Variants in BOD1L1 observed in about 807,000 individuals in gnomAD.
BOD1L1 encodes the protein biorientation of chromosomes in cell division protein 1-like 1.
A neutral mutation model predicts 240.7 loss-of-function variants in BOD1L1; 86 were observed. That is an observed-to-expected ratio of 0.36 (90% CI 0.30 to 0.43). The LOEUF (loss-of-function observed/expected upper bound fraction) is 0.43, where lower values mean the gene tolerates loss of function less well. BOD1L1 is among the 20% of genes least tolerant of loss of function. BOD1L1 has a pLI of 1.00. For synonymous variants in BOD1L1, 1,268 were observed against 1,272.3 expected (o/e 1.00, Z 0.07); for missense variants, 3,554 against 3,643.5 (o/e 0.98, Z 0.63).
chr4:13,580,928 A>T (rs1443058498), intron 21 of BOD1L1, 92 bp downstream of exon 21: 2 of 1,239,474 alleles, frequency 1.6e-6, no homozygotes, highest in African/African-American at 3.1e-5. Context: ...TTCAAGTAAA[A>T]AAAATAAAGT....
intron 22 of BOD1L1, chr4:13,577,880 G>A (rs1420955594): frequency 6.0e-6 from 2 of 331,912 alleles, no homozygotes; most frequent in Non-Finnish European, 1.1e-5. Context: ...TTTTTCAGCT[G>A]CAAAATAAGA....
In BOD1L1 at chr4:13,588,798, T is replaced by C; in HGVS notation, c.8210-6A>G. Reference sequence around the variant, plus strand: ...TTTTCTACCACTGGATATCTCTGAGTAATAAATACAAAAAAGAAAAAAAAA... The same window carrying C: ...TTTTCTACCACTGGATATCTCTGAGCAATAAATACAAAAAAGAAAAAAAAA... On this transcript the variant is annotated splice_region_variant and splice_polypyrimidine_tract_variant and intron_variant, in intron 14 of 25. Transcript: ENST00000040738. The C allele has an allele frequency of 6.4e-7, 1 of 1,573,330 alleles. No individual in the cohort carries two copies. Among genetic ancestry groups the C allele is most frequent in the East Asian group, 2.3e-5 (1 of 43,678 alleles).
rs1387876177 is a variant in BOD1L1 at position 13,613,197 on chromosome 4, A to G, written c.1324+315T>C. ...CCATTAATTGAGGGCAGTGTTGTGG[A>G]CTACGCTGTCCCCAAATGTGACACA... On this transcript the variant is annotated intron_variant, in intron 5 of 25. Transcript: ENST00000040738. This position sits in a 1 kb window ranked among gnomAD's most constrained non-coding sequence, Gnocchi z 4.0. Among the ~76,000 whole-genome samples, 3 of 152,184 alleles carry G rather than the reference A, an allele frequency of 2.0e-5. No individual in the cohort carries two copies. The highest frequency in any genetic ancestry group is 1.5e-5 in the Non-Finnish European group (1 of 68,026).
In BOD1L1 at chr4:13,600,489, C is replaced by T; in HGVS notation, c.6411G>A (p.Glu2137=). The T allele has an allele frequency of 1.2e-6, 2 of 1,613,962 alleles. No individual in the cohort carries two copies. The highest frequency in any genetic ancestry group is 1.7e-6 in the Non-Finnish European group (2 of 1,179,898). The change falls in exon 10 of 26, where the codon GAG becomes GAA. Residue 2137 remains glutamate, a synonymous_variant. Coordinates refer to ENST00000040738, the MANE Select transcript of BOD1L1 (RefSeq NM_148894.3). ...DSQLTASRSE[E]KDECAMISTS... ...TGGAAATCATGGCACACTCATCTTT[C>T]TCTTCACTTCTGCTGGCAGTGAGTT... is the stretch of plus-strand genomic sequence containing the variant.
At chr4:13,577,053 G>C (rs1446035577) in intron 24 of BOD1L1, 62 bp from the exon 25 acceptor site, 11 of 1,562,252 alleles carry the variant, frequency 7.0e-6, no homozygotes, top group Non-Finnish European at 8.7e-6. Context: ...CCAAGAGAGA[G>C]AGTCATGGAG....
In BOD1L1 at chr4:13,609,973, T is replaced by G. The variant is rs548473733; in HGVS notation, c.1492-567A>C. Among the ~76,000 whole-genome samples, 3 of 152,160 alleles carry G rather than the reference T, an allele frequency of 2.0e-5. No homozygotes were observed. In the East Asian group the frequency reaches 5.8e-4, roughly 29 times the overall value. Reference sequence around the variant, plus strand: ...CCTACTATCTCTTTCTGGCTCAGAGTGCCAAAAATCCTAAGCAGGTGCATA... The same window carrying G: ...CCTACTATCTCTTTCTGGCTCAGAGGGCCAAAAATCCTAAGCAGGTGCATA... On this transcript the variant is annotated intron_variant, in intron 6 of 25. Coordinates refer to ENST00000040738, the MANE Select transcript of BOD1L1 (RefSeq NM_148894.3).
At position 13,603,959 on chromosome 4, in the gene BOD1L1, C is replaced by A; in HGVS notation, c.2941G>T (p.Ala981Ser). The A allele has an allele frequency of 1.2e-6, 2 of 1,613,906 alleles. No individual in the cohort carries two copies. The highest frequency in any genetic ancestry group is 1.3e-5 in the African/African-American group (1 of 75,032). ...CTAGAATCCTTCTGTGTACTATGTG[C>A]TGAAGAAGAAGCAGTCTCTAATACA... ...EPVLETASSS[A>S]HSTQKDSSHR... is the part of the protein sequence containing the mutation. Residue 981 changes from alanine to serine, a missense_variant, in exon 10 of 26, where the codon GCA becomes TCA. By Grantham distance (99) the Ala-to-Ser change is moderately conservative. This residue lies in a region of BOD1L1 where 3,393 missense variants were observed against 3,427.1 expected (regional missense o/e 0.99). Transcript: ENST00000040738.
chr4:13,584,905 A>G (rs1267629243), intron 17 of BOD1L1, among the ~76,000 whole-genome samples: 3 of 152,176 alleles, frequency 2.0e-5, no homozygotes, highest in Non-Finnish European at 4.4e-5. Flanking sequence ...TACTAATATT[A>G]AGATGATATT....
At chr4:13,615,187 A>T in intron 3 of BOD1L1, 125 bp downstream of exon 3, 1 of 994,896 alleles carries the variant, frequency 1.0e-6, no homozygotes, top group African/African-American at 1.6e-5. Flanking sequence ...TTTAGGTGAT[A>T]TTTAAAGTAC....
intron 1 of BOD1L1, 140 bp downstream of exon 1, chr4:13,627,205 C>A (rs1239856008): frequency 2.8e-6 from 1 of 356,216 alleles, no homozygotes. Flanking sequence ...AACCAAAGGA[C>A]ACGCTAAGGA....
At chr4:13,611,704 GACAA>G (rs1382062323) in intron 5 of BOD1L1, among the ~76,000 whole-genome samples, 81 of 152,300 alleles carry the variant, frequency 5.3e-4, no homozygotes, top group African/African-American at 1.9e-3. Flanking sequence ...GAGTTCTCTT[GACAA>G]ACAATTCTTA....
rs767876143 is a variant in BOD1L1 at position 13,582,744 on chromosome 4, G to A, written c.8434-8C>T. Reference sequence around the variant, plus strand: ...ATCTCTGGAGTTCTCTTCCTATAGAGAAGTTGAAAAAGACTAGAACCTTCT... The same window carrying A: ...ATCTCTGGAGTTCTCTTCCTATAGAAAAGTTGAAAAAGACTAGAACCTTCT... On this transcript the variant is annotated splice_region_variant and splice_polypyrimidine_tract_variant and intron_variant, in intron 17 of 25. Coordinates refer to ENST00000040738, the MANE Select transcript of BOD1L1 (RefSeq NM_148894.3). 7.5e-6 allele frequency: 12 copies of A among 1,592,216 alleles called. No individual in the cohort carries two copies. Among genetic ancestry groups the A allele is most frequent in the Middle Eastern group, 1.7e-4 (1 of 6,042 alleles).
Position 13,603,518 on chromosome 4 carries a change from C to T in BOD1L1, c.3382G>A (p.Val1128Ile), listed in dbSNP as rs769893966. ...EPMEIDSEPGVENVFEVSKTQ... is the reference protein window; with the variant it reads ...EPMEIDSEPGIENVFEVSKTQ... ...TTAGATACTTCAAACACATTTTCAA[C>T]ACCTGGCTCAGAATCAATTTCCATT... Residue 1128 changes from valine to isoleucine, a missense_variant, in exon 10 of 26, where the codon GTT becomes ATT. Physicochemically the swap from Val to Ile is conservative, Grantham distance 29. Transcript: ENST00000040738. 1.9e-6 allele frequency: 3 copies of T among 1,614,006 alleles called. No homozygotes were observed. The highest frequency in any genetic ancestry group is 1.1e-5 in the South Asian group (1 of 91,086).
At chr4:13,627,186 G>A (rs1717461100) in intron 1 of BOD1L1, among the ~76,000 whole-genome samples, 159 bp downstream of exon 1, 1 of 152,136 alleles carries the variant, frequency 6.6e-6, no homozygotes, top group Non-Finnish European at 1.5e-5. Context: ...AACACTAGTC[G>A]GTAAAACGAA....
chr4:13,593,575 AAG>A (rs1197219199), intron 12 of BOD1L1: 2 of 152,056 alleles, frequency 1.3e-5, no homozygotes, highest in South Asian at 4.2e-4. Context: ...GGGGTGGGGG[AAG>A]AGATTGATTG....
intron 25 of BOD1L1, among the ~76,000 whole-genome samples, chr4:13,574,624 G>A (rs901809344): frequency 1.3e-5 from 2 of 152,196 alleles, no homozygotes; most frequent in Admixed American, 1.3e-4. Flanking sequence ...TTAAAGGGAA[G>A]CAGTAATTCT....
chr4:13,577,390 G>C lies in BOD1L1; in HGVS notation c.8884+13C>G. ...AAACAATAAGACTTATTAAGAATTT[G>C]CTAGAAACATACCAGCATCATCTGA... On this transcript the variant is annotated intron_variant, in intron 24 of 25. Transcript: ENST00000040738. The C allele has an allele frequency of 6.2e-7, 1 of 1,608,376 alleles. No homozygotes were observed. The highest frequency in any genetic ancestry group is 8.5e-7 in the Non-Finnish European group (1 of 1,177,618).
At position 13,586,469 on chromosome 4, in the gene BOD1L1, T is replaced by C. The variant is rs533887203; in HGVS notation, c.8360A>G (p.Asn2787Ser). 1.2e-6 allele frequency: 2 copies of C among 1,605,372 alleles called. No individual in the cohort carries two copies. The highest frequency in any genetic ancestry group is 8.5e-7 in the Non-Finnish European group (1 of 1,173,470). ...YLSSEDEPDDNPDVLDSRIET... is the reference protein window; with the variant it reads ...YLSSEDEPDDSPDVLDSRIET... ...TATTCTGGAATCCAGGACATCTGGATTATCATCTGTAAATCAGTTTAGACA... is the reference window on the plus strand; with the variant it reads ...TATTCTGGAATCCAGGACATCTGGACTATCATCTGTAAATCAGTTTAGACA... The change falls in exon 17 of 26, where the codon AAT becomes AGT. Residue 2787 changes from asparagine (N) to serine (S), a missense_variant. Around this residue, in one of 2 missense-constraint regions of BOD1L1, gnomAD observed 3,393 missense variants for 3,427.1 expected, o/e 0.99. Transcript: ENST00000040738.
At chr4:13,587,637 CTT>C in intron 16 of BOD1L1, 60 bp downstream of exon 16, 1 of 1,291,520 alleles carries the variant, frequency 7.7e-7, no homozygotes, top group Non-Finnish European at 1.1e-6. Context: ...TTGGCTCACT[CTT>C]TTGGATATAA....
Sources: gnomAD v4.1 joint callset for allele counts (sites outside exome capture counted in the v4.1 genomes callset) on GRCh38, gnomAD v4.1.1 for gene constraint, gnomAD v4.1.1 regional missense constraint, Gnocchi (gnomAD v3.1) non-coding constraint, MANE v1.5 for transcripts, NCBI Gene and HGNC (gene_info 2026-07-23, HGNC 2026-07-21) for gene names.